LRRC4C: variants seen among roughly 807,000 people sequenced by gnomAD.
LRRC4C encodes leucine-rich repeat-containing protein 4C.
A neutral mutation model predicts 33.6 loss-of-function variants in LRRC4C; 5 were observed. That is an observed-to-expected ratio of 0.15 (90% confidence interval 0.08 to 0.31). The LOEUF is 0.31. Among genes scored for constraint, LRRC4C ranks in the 10% least tolerant of loss-of-function variants. The probability of loss-of-function intolerance (pLI) is 1.00; values close to 1 mark genes in which losing one functional copy is unlikely to be tolerated. For synonymous variants in LRRC4C, 329 were observed against 302.0 expected (o/e 1.09, Z -0.93); for missense variants, 560 against 796.7 (o/e 0.70, Z 3.58).
chr11:40,654,835 G>A (rs1215397499), intron 2 of LRRC4C, among the ~76,000 whole-genome samples: 1 of 152,152 alleles, frequency 6.6e-6, no homozygotes, highest in Non-Finnish European at 1.5e-5. Context: ...ACGTGTCAAA[G>A]ACAGGACCAG....
rs141052684 is a variant in LRRC4C at position 40,298,977 on chromosome 11, T to C, written c.-176+20651A>G. Among the ~76,000 whole-genome samples, 17 of 152,248 alleles carry C rather than the reference T, an allele frequency of 1.1e-4. No individual in the cohort carries two copies. The East Asian group carries it at 2.3e-3, about 21-fold the overall frequency. ...TGGCAATTACAATTTGGATTACAATTCAAGATGAGATTTGGGTGGGGATGC... is the reference window on the plus strand; with the variant it reads ...TGGCAATTACAATTTGGATTACAATCCAAGATGAGATTTGGGTGGGGATGC... On this transcript the variant is annotated intron_variant, in intron 4 of 6. Transcript: ENST00000528697.
At chr11:40,880,167 G>T (rs538573697) in intron 2 of LRRC4C, among the ~76,000 whole-genome samples, 3 of 152,058 alleles carry the variant, frequency 2.0e-5, no homozygotes, top group African/African-American at 7.2e-5. Context: ...GACCTGAGAG[G>T]GGGGAAGACT....
chr11:41,128,218 G>T (rs898363370), intron 1 of LRRC4C, among the ~76,000 whole-genome samples: 1 of 151,830 alleles, frequency 6.6e-6, no homozygotes, highest in Non-Finnish European at 1.5e-5. Flanking sequence ...TATTATAGAT[G>T]AGTTGAATAA....
intron 1 of LRRC4C, among the ~76,000 whole-genome samples, chr11:41,439,668 A>C (rs11036403): frequency 6.6e-5 from 10 of 152,146 alleles, no homozygotes; most frequent in African/African-American, 9.7e-5. Flanking sequence ...GTCTGTTAGC[A>C]GCTTGTATGT....
At chr11:40,402,712 A>G (rs868710652) in intron 3 of LRRC4C, among the ~76,000 whole-genome samples, 114 of 152,274 alleles carry the variant, frequency 7.5e-4, no homozygotes, top group African/African-American at 2.6e-3. Context: ...GAAGGGTGAA[A>G]TGAAAGAAGT....
chr11:41,026,002 G>A (rs1373578346), intron 1 of LRRC4C, among the ~76,000 whole-genome samples: 1 of 151,650 alleles, frequency 6.6e-6, no homozygotes, highest in South Asian at 2.1e-4. Context: ...AAAAGCTCTG[G>A]TAGGAGATAT....
At chr11:40,604,263 TCC>T (rs1364161082) in intron 3 of LRRC4C, among the ~76,000 whole-genome samples, 2 of 152,144 alleles carry the variant, frequency 1.3e-5, no homozygotes, top group African/African-American at 4.8e-5. Context: ...TGTAATAAAT[TCC>T]TCCTATCTTC....
At chr11:40,768,712 G>A (rs998836804) in intron 2 of LRRC4C, among the ~76,000 whole-genome samples, 1 of 151,962 alleles carries the variant, frequency 6.6e-6, no homozygotes, top group Non-Finnish European at 1.5e-5. Context: ...GTGATACATT[G>A]TATTAACAGA....
At chr11:40,793,378 G>A (rs118127398) in intron 2 of LRRC4C, among the ~76,000 whole-genome samples, 3,791 of 152,114 alleles carry the variant, frequency 0.025, 70 homozygotes, top group South Asian at 0.066. Context: ...AAACTTCCTG[G>A]TATAAAAAGT....
chr11:40,527,255 C>T (rs1687284727), intron 3 of LRRC4C, among the ~76,000 whole-genome samples: 2 of 152,014 alleles, frequency 1.3e-5, no homozygotes, highest in Admixed American at 1.3e-4. Flanking sequence ...TATGTTTGTG[C>T]ACTTGTCTGC....
At chr11:41,027,711 G>C (rs1036373038) in intron 1 of LRRC4C, among the ~76,000 whole-genome samples, 1 of 151,666 alleles carries the variant, frequency 6.6e-6, no homozygotes, top group Non-Finnish European at 1.5e-5. Context: ...CCTAAAGACA[G>C]AGTAATAGAA....
In LRRC4C at chr11:40,195,488, CA is replaced by C. The variant is rs569016169; in HGVS notation, c.-96+46030del. On this transcript the variant is annotated intron_variant, in intron 5 of 6. Coordinates refer to ENST00000528697, the MANE Select transcript of LRRC4C (RefSeq NM_001258419.2). Reference sequence around the variant, plus strand: ...TAAAAACTGTTCTAAGATTTCTTGTCAGGGGCAAGGATGTGGGTAGCAGAGG... The same window carrying C: ...TAAAAACTGTTCTAAGATTTCTTGTCGGGGCAAGGATGTGGGTAGCAGAGG... 2.6e-4 allele frequency among the ~76,000 whole-genome samples: 40 copies of C among 152,094 alleles called. 2 individuals are homozygous for C. The South Asian group carries it at 8.1e-3, about 31-fold the overall frequency.
intron 1 of LRRC4C, among the ~76,000 whole-genome samples, chr11:41,255,478 G>A (rs1315604245): frequency 8.6e-5 from 13 of 151,956 alleles, no homozygotes. Flanking sequence ...TAGACAAATT[G>A]AGGCATATTG....
intron 3 of LRRC4C, among the ~76,000 whole-genome samples, chr11:40,451,415 T>G: frequency 7.9e-6 from 1 of 126,896 alleles, no homozygotes; most frequent in Admixed American, 9.1e-5. Flanking sequence ...AGACAGAGTC[T>G]CACTCTATTG....
chr11:40,428,917 G>T (rs1950811972), intron 3 of LRRC4C, among the ~76,000 whole-genome samples: 1 of 152,126 alleles, frequency 6.6e-6, no homozygotes, highest in African/African-American at 2.4e-5. Context: ...TTGTGAGTAG[G>T]CTACTCATAT....
chr11:40,582,389 A>T (rs988211742), intron 3 of LRRC4C, among the ~76,000 whole-genome samples: 1 of 152,154 alleles, frequency 6.6e-6, no homozygotes, highest in African/African-American at 2.4e-5. Flanking sequence ...AGAATAAAAA[A>T]AGTAATTGCC....
At chr11:41,445,893 C>T (rs371995149) in intron 1 of LRRC4C, among the ~76,000 whole-genome samples, 9 of 40,870 alleles carry the variant, frequency 2.2e-4, no homozygotes, top group African/African-American at 7.1e-4. Context: ...TGTGTGTGTA[C>T]GTGTTATGTA....
rs1395506292 is a variant in LRRC4C, at chr11:40,987,683, T to G, written c.-495-53960A>C. On this transcript the variant is annotated intron_variant, in intron 1 of 6. Transcript: ENST00000528697. ...ATATATGAGATATAAATGATATATA[T>G]ATATATATCTCATATATATGAGATA... 1.6e-4 allele frequency among the ~76,000 whole-genome samples: 22 copies of G among 137,324 alleles called. 1 individual carries two copies. The South Asian group carries it at 4.7e-3, about 30-fold the overall frequency. 90.1% of individuals were successfully genotyped at this position (137,324 alleles called of 152,430 possible).
At chr11:40,437,435 C>T (rs572695990) in intron 3 of LRRC4C, among the ~76,000 whole-genome samples, 2 of 151,898 alleles carry the variant, frequency 1.3e-5, no homozygotes, top group South Asian at 2.1e-4. Context: ...GCTCTGTCAC[C>T]CAGGCTGGAG....
Sources: allele counts gnomAD v4.1 joint callset (sites outside exome capture counted in the v4.1 genomes callset), GRCh38; gene constraint gnomAD v4.1.1; transcripts MANE v1.5; gene names NCBI Gene and HGNC (gene_info 2026-07-23, HGNC 2026-07-21).